The following RANBP9 variants were observed in gnomAD, a reference collection of about 807,000 sequenced individuals.
RANBP9 encodes the protein RAN binding protein 9.
In RANBP9, 15 loss-of-function variants were observed where a neutral mutation model predicts 84.3. The observed-to-expected ratio is 0.18, with a 90% confidence interval of 0.12 to 0.27. The LOEUF is 0.27. Among genes scored for constraint, RANBP9 ranks in the 10% least tolerant of loss-of-function variants. The pLI is 1.00. For synonymous variants in RANBP9, 392 were observed against 349.6 expected (o/e 1.12, Z -1.35); for missense variants, 809 against 912.8 (o/e 0.89, Z 1.46).
Position 13,639,580 on chromosome 6 carries a change from C to T in RANBP9, c.1508G>A (p.Ser503Asn), listed in dbSNP as rs370839107. ...NIHNLASGKG[S>N]TAHFSGFESC... ...AATCTCACCTGAAAAATGTGCGGTG[C>T]TTCCTTTGCCTGATGCTAAATTGTG... Residue 503 changes from serine (S) to asparagine (N), a missense_variant, in exon 9 of 14, where the codon AGC becomes AAC. Transcript: ENST00000011619. 2.5e-6 allele frequency: 4 copies of T among 1,608,852 alleles called. No individual in the cohort carries two copies. The highest frequency in any genetic ancestry group is 2.7e-5 in the African/African-American group (2 of 74,782).
intron 11 of RANBP9, 141 bp downstream of exon 11, chr6:13,634,290 T>C (rs2127762580): frequency 1.0e-6 from 1 of 977,308 alleles, no homozygotes; most frequent in South Asian, 2.0e-5. Flanking sequence ...AGAGTTTAAG[T>C]GCTATGCATT....
chr6:13,646,440 AAAAAAACAG>A (rs1421645018), intron 5 of RANBP9, among the ~76,000 whole-genome samples: 3 of 152,046 alleles, frequency 2.0e-5, no homozygotes, highest in Non-Finnish European at 4.4e-5. Flanking sequence ...AAAACAAAAC[AAAAAAACAG>A]AAAAAACACT....
chr6:13,677,741 A>G (rs563773318), intron 2 of RANBP9, among the ~76,000 whole-genome samples: 2 of 152,296 alleles, frequency 1.3e-5, no homozygotes, highest in Admixed American at 6.5e-5. Context: ...TTCAACCATC[A>G]TAAGTGAAAT....
At chr6:13,699,026 T>C (rs1757905408) in intron 1 of RANBP9, among the ~76,000 whole-genome samples, 2 of 152,326 alleles carry the variant, frequency 1.3e-5, no homozygotes, top group Middle Eastern at 3.4e-3. Flanking sequence ...GGTGCTTTTG[T>C]ATGGATTTTT....
At chr6:13,642,953 A>G (rs960819307) in intron 6 of RANBP9, among the ~76,000 whole-genome samples, 9 of 152,148 alleles carry the variant, frequency 5.9e-5, no homozygotes, top group Admixed American at 1.3e-4. Flanking sequence ...TTTTGACTTT[A>G]TCATATGACT....
At chr6:13,696,975 A>G (rs888769431) in intron 1 of RANBP9, 79 bp from the exon 2 acceptor site, 1 of 1,186,270 alleles carries the variant, frequency 8.4e-7, no homozygotes, top group Non-Finnish European at 1.2e-6. Context: ...ATTCAGGAAC[A>G]TATAGGTTTT....
intron 1 of RANBP9, among the ~76,000 whole-genome samples, chr6:13,708,974 C>T (rs1758203137): frequency 6.6e-6 from 1 of 152,138 alleles, no homozygotes; most frequent in South Asian, 2.1e-4. Flanking sequence ...AAAATCTGTT[C>T]TTCCAGAAAT....
intron 2 of RANBP9, among the ~76,000 whole-genome samples, chr6:13,688,420 AAC>A (rs2078044221): frequency 2.0e-5 from 3 of 152,194 alleles, no homozygotes; most frequent in Admixed American, 2.0e-4. Context: ...CCTGTCTTCC[AAC>A]AGTGTTGGTT....
chr6:13,640,700 T>C (rs576997071), intron 8 of RANBP9, among the ~76,000 whole-genome samples: 2 of 152,308 alleles, frequency 1.3e-5, no homozygotes, highest in South Asian at 2.1e-4. Context: ...GTCAAATTCA[T>C]AGAGGCAAAA....
At chr6:13,664,128 A>C (rs1362878962) in intron 2 of RANBP9, among the ~76,000 whole-genome samples, 1 of 152,268 alleles carries the variant, frequency 6.6e-6, no homozygotes, top group African/African-American at 2.4e-5. Flanking sequence ...GAAAATCCTA[A>C]GGAATCTACA....
chr6:13,671,311 T>A (rs1765773875), intron 2 of RANBP9, among the ~76,000 whole-genome samples: 1 of 152,084 alleles, frequency 6.6e-6, no homozygotes, highest in African/African-American at 2.4e-5. Flanking sequence ...TTTTCTGCAA[T>A]AAAAATGAAA....
intron 2 of RANBP9, among the ~76,000 whole-genome samples, chr6:13,695,988 T>C (rs142271645): frequency 6.6e-6 from 1 of 152,314 alleles, no homozygotes; most frequent in East Asian, 1.9e-4. Context: ...AAAGACCCTA[T>C]GACTGCTTTA....
At chr6:13,660,762 A>T (rs1192138461) in intron 2 of RANBP9, among the ~76,000 whole-genome samples, 1 of 152,236 alleles carries the variant, frequency 6.6e-6, no homozygotes, top group East Asian at 1.9e-4. Flanking sequence ...GCATATGCCA[A>T]GTGAGACAAG....
At chr6:13,632,653 G>A (rs1243661022) in intron 11 of RANBP9, 132 bp from the exon 12 acceptor site, 11 of 867,434 alleles carry the variant, frequency 1.3e-5, no homozygotes, top group Non-Finnish European at 1.9e-5. Context: ...TATGCAGATT[G>A]TTAAAAATTC....
intron 2 of RANBP9, among the ~76,000 whole-genome samples, chr6:13,677,593 C>T (rs973404152): frequency 2.6e-5 from 4 of 152,060 alleles, no homozygotes; most frequent in African/African-American, 9.7e-5. Context: ...CAGCAAGATA[C>T]ACTAGTATAC....
chr6:13,706,148 C>T (rs541778910), intron 1 of RANBP9, among the ~76,000 whole-genome samples: 114 of 151,736 alleles, frequency 7.5e-4, no homozygotes, highest in Non-Finnish European at 1.4e-3. Flanking sequence ...TAAGAGACCA[C>T]CTTGGCTAAC....
chr6:13,677,833 G>A (rs1765930447), intron 2 of RANBP9, among the ~76,000 whole-genome samples: 1 of 152,122 alleles, frequency 6.6e-6, no homozygotes, highest in African/African-American at 2.4e-5. Flanking sequence ...AGCAACAACT[G>A]CAGGCCAGGT....
At chr6:13,624,733 T>TC (rs528590297) in intron 13 of RANBP9, among the ~76,000 whole-genome samples, 1,749 of 152,322 alleles carry the variant, frequency 0.011, 31 homozygotes, top group African/African-American at 0.041. Flanking sequence ...GTTTCGCACT[T>TC]GATGCTCACC....
intron 5 of RANBP9, among the ~76,000 whole-genome samples, chr6:13,650,161 T>C (rs1417573137): frequency 2.0e-5 from 3 of 151,198 alleles, no homozygotes; most frequent in Non-Finnish European, 4.4e-5. Context: ...TTGTTGTGTT[T>C]TTTTGTTTTT....
Sources: gnomAD v4.1 joint callset for allele counts (sites outside exome capture counted in the v4.1 genomes callset) on GRCh38, gnomAD v4.1.1 for gene constraint, MANE v1.5 for transcripts, NCBI Gene and HGNC (gene_info 2026-07-23, HGNC 2026-07-21) for gene names.